Variants in NEK8 observed in about 807,000 individuals in gnomAD.
NEK8 encodes the protein NIMA related kinase 8.
NEK8 carries 51 observed loss-of-function variants against 77.2 expected under a neutral mutation model. That is an observed-to-expected ratio of 0.66 (90% confidence interval 0.53 to 0.83). The LOEUF is 0.83. Ranked by LOEUF, NEK8 falls within the 40% of genes least tolerant of loss-of-function variation. NEK8 has a pLI of 0.00. For missense variants in NEK8, 787 were observed against 909.2 expected (o/e 0.87, Z 1.73); for synonymous variants, 365 against 363.2 (o/e 1.00, Z -0.06).
In NEK8 at chr17:28,742,533, A is replaced by G. The variant is rs1310223765; in HGVS notation, c.*546A>G. 2 of 156,206 alleles carry G rather than the reference A, an allele frequency of 1.3e-5. No individual in the cohort carries two copies. The highest frequency in any genetic ancestry group is 4.9e-5 in the African/African-American group (2 of 41,050). 9.7% of individuals were successfully genotyped at this position (156,206 alleles called of 1,614,324 possible). A position where few individuals can be genotyped will look rare whatever the true frequency, so the allele number is the denominator to read the frequency against. Reference sequence around the variant, plus strand: ...GGCGTAAACCCCTCCAGCCTGGGCGACAGAACCAGACTCCGTCTCAAAAAA... The same window carrying G: ...GGCGTAAACCCCTCCAGCCTGGGCGGCAGAACCAGACTCCGTCTCAAAAAA... On this transcript the variant is annotated 3_prime_UTR_variant, in exon 15 of 15. Transcript: ENST00000268766.
chr17:28,734,331 C>T, intron 2 of NEK8, 143 bp downstream of exon 2: 1 of 753,972 alleles, frequency 1.3e-6, no homozygotes, highest in Non-Finnish European at 2.3e-6. Flanking sequence ...CCCGGCTAGC[C>T]CCTTGTCCTC....
rs889694432 is a variant in NEK8 at position 28,737,974 on chromosome 17, C to A, written c.1045C>A (p.Arg349Ser). 4 of 1,611,758 alleles carry A rather than the reference C, an allele frequency of 2.5e-6. No individual in the cohort carries two copies. Among genetic ancestry groups the A allele is most frequent in the Non-Finnish European group, 3.4e-6 (4 of 1,178,642 alleles). ...AGRTQKAGVT[R>S]SGRLILWEAP... ...GCGCACGCAGAAAGCCGGCGTCACG[C>A]GCTCTGGGCGTCTCATCCTGTGGGA... Residue 349 changes from arginine to serine, a missense_variant, in exon 7 of 15, where the codon CGC (arginine) becomes AGC (serine). Coordinates refer to ENST00000268766, the MANE Select transcript of NEK8 (RefSeq NM_178170.3). This position sits in a 1 kb window ranked among gnomAD's most constrained non-coding sequence, Gnocchi z 4.8.
In NEK8 at chr17:28,741,532, G is replaced by A. The variant is rs202119105; in HGVS notation, c.2011G>A (p.Val671Met). 1.6e-5 allele frequency: 26 copies of A among 1,614,120 alleles called. No individual in the cohort carries two copies. Among genetic ancestry groups the A allele is most frequent in the East Asian group, 4.5e-5 (2 of 44,880 alleles). Residue 671 changes from valine to methionine, a missense_variant, in exon 14 of 15, where the codon GTG becomes ATG. Val to Met is a conservative substitution (Grantham distance 21, BLOSUM62 1). Around this residue, in one of 2 missense-constraint regions of NEK8, gnomAD observed 516 missense variants for 544.0 expected, o/e 0.95. Transcript: ENST00000268766. This position sits in a 1 kb window ranked among gnomAD's most constrained non-coding sequence, Gnocchi z 4.5. ...GACACACCCTTACACGGTGACTTCC[G>A]TGTCCTGTTGCCATGGAAACACCCT... ...DETHPYTVTS[V>M]SCCHGNTLLA...
chr17:28,740,602 T>G lies in NEK8; in HGVS notation c.1557T>G (p.Cys519Trp), dbSNP rs2034410866. 1 of 1,614,206 alleles carries G rather than the reference T, an allele frequency of 6.2e-7. No individual in the cohort carries two copies. Among genetic ancestry groups the G allele is most frequent in the Non-Finnish European group, 8.5e-7 (1 of 1,180,026 alleles). ...CTGTGCCTGGCCAAGCCCTAGCCTG[T>G]GGGAGCAACAGGTGAATAGATCATC... is the stretch of plus-strand genomic sequence containing the variant. Reference protein sequence around the residue: ...ILTVPGQALACGSNRFNKLGL... With the variant: ...ILTVPGQALAWGSNRFNKLGL... Residue 519 changes from cysteine (C) to tryptophan (W), a missense_variant, in exon 11 of 15, where the codon TGT becomes TGG. Physicochemically the swap from Cys to Trp is radical, Grantham distance 215. Transcript: ENST00000268766. This position sits in a 1 kb window ranked among gnomAD's most constrained non-coding sequence, Gnocchi z 4.7.
rs562404217 is a variant in NEK8 at position 28,735,898 on chromosome 17, G to A, written c.618+527G>A. On this transcript the variant is annotated intron_variant, in intron 4 of 14. Transcript: ENST00000268766. ...CCATTAACTCATCATTTAACATTAG[G>A]TATATCTCCTAATGCTATCCCTTCC... Among the ~76,000 whole-genome samples the A allele has an allele frequency of 2.1e-4, 32 of 151,864 alleles. No homozygotes were observed. The South Asian group carries it at 6.3e-3, about 30-fold the overall frequency.
chr17:28,741,294 G>A lies in NEK8; in HGVS notation c.1891+58G>A, dbSNP rs115505660. ...CCATGAGCAGTGGGGGGTGGGGGTT[G>A]CTATTCAGGGCCACTGGACTCTGGA... On this transcript the variant is annotated intron_variant, in intron 13 of 14. Transcript: ENST00000268766. The surrounding 1 kb of genome is among the most constrained non-coding windows in gnomAD (Gnocchi z 4.5). 846 of 1,592,648 alleles carry A rather than the reference G, an allele frequency of 5.3e-4. 12 individuals are homozygous for A. The Admixed American group carries it at 0.014, about 27-fold the overall frequency.
In NEK8 at chr17:28,737,488, C is replaced by T. The variant is rs754756615; in HGVS notation, c.801C>T (p.Thr267=). 1.0e-4 allele frequency: 163 copies of T among 1,612,978 alleles called. No individual in the cohort carries two copies. The highest frequency in any genetic ancestry group is 3.3e-4 in the Middle Eastern group (2 of 6,084). The part of the protein sequence containing the change: ...LCIRALLNLH[T]DVGSVRMRRA... ...TCCGTGCCCTCCTCAACCTCCACAC[C>T]GACGTGGGCAGTGTCCGCATGCGGA... Residue 267 remains threonine (T), a synonymous_variant, in exon 5 of 15, where the codon ACC becomes ACT. Coordinates refer to ENST00000268766, the MANE Select transcript of NEK8 (RefSeq NM_178170.3). The surrounding 1 kb of genome is among the most constrained non-coding windows in gnomAD (Gnocchi z 4.8).
In NEK8 at chr17:28,737,572, C is replaced by G. The variant is rs536238406; in HGVS notation, c.827+58C>G. The G allele has an allele frequency of 1.7e-5, 27 of 1,613,078 alleles. No individual in the cohort carries two copies. In the South Asian group the frequency reaches 3.0e-4, roughly 18 times the overall value. ...GCAGGGTGTGGGCACCCAGTGGGAG[C>G]ACAGGAGGTCTGAGGCAGAGGGAAA... On this transcript the variant is annotated intron_variant, in intron 5 of 14. Transcript: ENST00000268766. The surrounding 1 kb of genome is among the most constrained non-coding windows in gnomAD (Gnocchi z 4.8).
chr17:28,734,421 G>C (rs1398197730), intron 2 of NEK8: 1 of 590,692 alleles, frequency 1.7e-6, no homozygotes, highest in Non-Finnish European at 3.0e-6. Context: ...TGTAATCTCA[G>C]CACTTTGGGA....
chr17:28,731,086 C>G (rs2034301812), intron 1 of NEK8, among the ~76,000 whole-genome samples: 1 of 151,932 alleles, frequency 6.6e-6, no homozygotes, highest in South Asian at 2.1e-4. Flanking sequence ...AACCCCATCT[C>G]TACTAAAAAT....
rs1316808303 is a variant in NEK8, at chr17:28,735,008, C to G, written c.486+4C>G. The stretch of plus-strand genomic sequence containing the variant: ...CAGCAAGAGCAAGGCCTACACGGTG[C>G]CTGGGCATGGAAGGGACCTCCAGGG... On this transcript the variant is annotated splice_donor_region_variant and intron_variant, in intron 3 of 14. Coordinates refer to ENST00000268766, the MANE Select transcript of NEK8 (RefSeq NM_178170.3). 1 of 1,605,432 alleles carries G rather than the reference C, an allele frequency of 6.2e-7. No homozygotes were observed. The highest frequency in any genetic ancestry group is 8.5e-7 in the Non-Finnish European group (1 of 1,174,846).
At chr17:28,736,952 G>C (rs1179529506) in intron 4 of NEK8, among the ~76,000 whole-genome samples, 1 of 151,668 alleles carries the variant, frequency 6.6e-6, no homozygotes, top group South Asian at 2.1e-4. Context: ...TTTGTATAAG[G>C]TGTAAGGAAG....
rs1653047801 is a variant in NEK8 at position 28,741,832 on chromosome 17, T to C, written c.2051-127T>C. ...TTCTCCTACTGCTGAGTCCCGTTGA[T>C]GCTGAAACTCTCTTTCTGGCCTAAC... On this transcript the variant is annotated intron_variant, in intron 14 of 14. Transcript: ENST00000268766. The surrounding 1 kb of genome is among the most constrained non-coding windows in gnomAD (Gnocchi z 4.5). 3.8e-6 allele frequency: 4 copies of C among 1,063,662 alleles called. No individual in the cohort carries two copies. In the African/African-American group the frequency reaches 4.7e-5, roughly 12 times the overall value. The allele number at this position is 1,063,662 out of a possible 1,614,324, so 65.9% of individuals were successfully genotyped here.
chr17:28,739,153 G>C lies in NEK8; in HGVS notation c.1369G>C (p.Ala457Pro), dbSNP rs1479768232. The C allele has an allele frequency of 6.2e-7, 1 of 1,614,186 alleles. No homozygotes were observed. The highest frequency in any genetic ancestry group is 2.2e-5 in the East Asian group (1 of 44,884). The change falls in exon 10 of 15, where the codon GCC (alanine) becomes CCC (proline). Residue 457 changes from alanine to proline, a missense_variant. Physicochemically the swap from Ala to Pro is conservative, Grantham distance 27. This residue lies in a region of NEK8 where 516 missense variants were observed against 544.0 expected (regional missense o/e 0.95). Coordinates refer to ENST00000268766, the MANE Select transcript of NEK8 (RefSeq NM_178170.3). ...QVACGASHVL[A>P]LSTERELFAW... ...GGCCTGTGGGGCCTCTCACGTGCTG[G>C]CCCTGTCCACTGAGCGAGAACTATT...
At position 28,737,967 on chromosome 17, in the gene NEK8, C is replaced by T. The variant is rs757603639; in HGVS notation, c.1038C>T (p.Gly346=). ...QVAAGRTQKA[G]VTRSGRLILW... The stretch of plus-strand genomic sequence containing the variant: ...CAGCTGGGCGCACGCAGAAAGCCGG[C>T]GTCACGCGCTCTGGGCGTCTCATCC... Residue 346 remains glycine, a synonymous_variant, in exon 7 of 15, where the codon GGC becomes GGT. Coordinates refer to ENST00000268766, the MANE Select transcript of NEK8 (RefSeq NM_178170.3). This position sits in a 1 kb window ranked among gnomAD's most constrained non-coding sequence, Gnocchi z 4.8. 31 of 1,611,918 alleles carry T rather than the reference C, an allele frequency of 1.9e-5. No homozygotes were observed. The highest frequency in any genetic ancestry group is 4.0e-5 in the African/African-American group (3 of 74,898).
At chr17:28,739,044 A>G (rs1380235115) in intron 9 of NEK8, 40 bp from the exon 10 acceptor site, 2 of 1,475,482 alleles carry the variant, frequency 1.4e-6, no homozygotes, top group Non-Finnish European at 1.9e-6. Context: ...ATGGCTCCAG[A>G]CCCTTTGCCC....
In NEK8 at chr17:28,742,277, G is replaced by A; in HGVS notation, c.*290G>A. ...CAGACCTAGCCTTTGGAAGCAGGGT[G>A]GCCTCCAGAGCCTTGCCATAAAAAG... is the stretch of plus-strand genomic sequence containing the variant. On this transcript the variant is annotated 3_prime_UTR_variant, in exon 15 of 15. Transcript: ENST00000268766. The A allele has an allele frequency of 5.5e-6, 3 of 545,738 alleles. No individual in the cohort carries two copies. The South Asian group carries it at 6.0e-5, about 11-fold the overall frequency. The allele number at this position is 545,738 out of a possible 1,614,324, so 33.8% of individuals were successfully genotyped here.
In NEK8 at chr17:28,740,010, G is replaced by A. The variant is rs2034404347; in HGVS notation, c.1418-453G>A. ...TTTAAAGGAGGAGGATTTTGAGCCG[G>A]CGTGGTGGCTCACGCCTGTAATCCC... On this transcript the variant is annotated intron_variant, in intron 10 of 14. Coordinates refer to ENST00000268766, the MANE Select transcript of NEK8 (RefSeq NM_178170.3). The surrounding 1 kb of genome is among the most constrained non-coding windows in gnomAD (Gnocchi z 4.7). Among the ~76,000 whole-genome samples, 1 of 152,048 alleles carries A rather than the reference G, an allele frequency of 6.6e-6. No homozygotes were observed. The highest frequency in any genetic ancestry group is 2.4e-5 in the African/African-American group (1 of 41,402).
Position 28,738,262 on chromosome 17 carries a change from A to G in NEK8, c.1222+17A>G, listed in dbSNP as rs772333473. 5 of 1,613,956 alleles carry G rather than the reference A, an allele frequency of 3.1e-6. No individual in the cohort carries two copies. The highest frequency in any genetic ancestry group is 3.4e-6 in the Non-Finnish European group (4 of 1,179,938). On this transcript the variant is annotated intron_variant, in intron 8 of 14. Coordinates refer to ENST00000268766, the MANE Select transcript of NEK8 (RefSeq NM_178170.3). Reference sequence around the variant, plus strand: ...GCCTGACTGGTGAGTTGTCGGGCCTACCTTGTGGGACCTGCTCTGAGGCCC... The same window carrying G: ...GCCTGACTGGTGAGTTGTCGGGCCTGCCTTGTGGGACCTGCTCTGAGGCCC...
Sources: allele counts gnomAD v4.1 joint callset (sites outside exome capture counted in the v4.1 genomes callset), GRCh38; gene constraint gnomAD v4.1.1; regional missense constraint gnomAD v4.1.1; non-coding constraint Gnocchi (gnomAD v3.1); transcripts MANE v1.5; gene names NCBI Gene and HGNC (gene_info 2026-07-23, HGNC 2026-07-21).